Variants in SLC26A7 observed in about 807,000 individuals in gnomAD.
The protein encoded by SLC26A7 is solute carrier family 26 member 7.
In SLC26A7, 59 loss-of-function variants were observed where a neutral mutation model predicts 82.5. The observed-to-expected ratio is 0.72, with a 90% confidence interval of 0.58 to 0.89. SLC26A7 has a LOEUF of 0.89. SLC26A7 is among the 40% of genes least tolerant of loss of function. The pLI is 0.00. For missense variants in SLC26A7, 820 were observed against 793.0 expected (o/e 1.03, Z -0.41); for synonymous variants, 271 against 274.3 (o/e 0.99, Z 0.12).
chr8:91,329,564 A>G (rs1264720353), intron 5 of SLC26A7, among the ~76,000 whole-genome samples: 1 of 152,076 alleles, frequency 6.6e-6, no homozygotes, highest in East Asian at 1.9e-4. Flanking sequence ...TACTGCAAAC[A>G]CATGTTCTCA....
At chr8:91,376,218 A>G (rs1178388072) in intron 15 of SLC26A7, among the ~76,000 whole-genome samples, 2 of 152,026 alleles carry the variant, frequency 1.3e-5, no homozygotes, top group African/African-American at 2.4e-5. Flanking sequence ...CTTATCTGCC[A>G]TTTCTGACTT....
intron 4 of SLC26A7, among the ~76,000 whole-genome samples, chr8:91,307,719 C>T (rs1176963965): frequency 4.2e-5 from 6 of 142,960 alleles, no homozygotes; most frequent in African/African-American, 1.3e-4. Flanking sequence ...TTAGTGGGTG[C>T]AGCGCACCAG....
At chr8:91,356,101 G>A (rs1813860266) in intron 11 of SLC26A7, among the ~76,000 whole-genome samples, 1 of 152,150 alleles carries the variant, frequency 6.6e-6, no homozygotes, top group South Asian at 2.1e-4. Context: ...GTGTACATGT[G>A]CCACATTTTC....
intron 15 of SLC26A7, among the ~76,000 whole-genome samples, chr8:91,372,685 T>C (rs1287872407): frequency 6.6e-6 from 1 of 152,096 alleles, no homozygotes; most frequent in Non-Finnish European, 1.5e-5. Flanking sequence ...GCTTTATTCT[T>C]TTCCCTTTAG....
At chr8:91,281,228 A>G (rs1176010824) in intron 2 of SLC26A7, among the ~76,000 whole-genome samples, 2 of 152,244 alleles carry the variant, frequency 1.3e-5, no homozygotes, top group East Asian at 1.9e-4. Context: ...GGATTTTTAC[A>G]TAAGAGTATC....
chr8:91,361,416 T>C (rs1319611335), intron 11 of SLC26A7, among the ~76,000 whole-genome samples: 1 of 152,148 alleles, frequency 6.6e-6, no homozygotes, highest in Non-Finnish European at 1.5e-5. Flanking sequence ...TTTTCAAAGA[T>C]GTTTTAAAGT....
In SLC26A7 at chr8:91,395,631, A is replaced by G. The variant is rs1808547773; in HGVS notation, c.*534A>G. On this transcript the variant is annotated 3_prime_UTR_variant, in exon 19 of 19. Transcript: ENST00000276609. ...ATGTGAAATTCACAAAAAGTAAACC[A>G]AACAAAACGAATGAAAAACTGGAAA... 6.6e-6 allele frequency: 1 copy of G among 152,246 alleles called. No homozygotes were observed. The highest frequency in any genetic ancestry group is 1.5e-5 in the Non-Finnish European group (1 of 68,058). 9.4% of individuals were successfully genotyped at this position (152,246 alleles called of 1,614,324 possible).
At chr8:91,263,571 TC>T in intron 2 of SLC26A7, among the ~76,000 whole-genome samples, 1 of 152,180 alleles carries the variant, frequency 6.6e-6, no homozygotes, top group South Asian at 2.1e-4. Flanking sequence ...TTTAACTCTT[TC>T]TTTGTGCTTG....
chr8:91,377,804 C>T (rs1284384524), intron 15 of SLC26A7, among the ~76,000 whole-genome samples: 9 of 152,194 alleles, frequency 5.9e-5, no homozygotes, highest in Admixed American at 5.9e-4. Flanking sequence ...GCCAGTCTCT[C>T]AGACTTTGCT....
At chr8:91,271,389 G>C (rs1036353801) in intron 2 of SLC26A7, among the ~76,000 whole-genome samples, 1 of 152,268 alleles carries the variant, frequency 6.6e-6, no homozygotes, top group Non-Finnish European at 1.5e-5. Flanking sequence ...CTGGAAAATA[G>C]TAGATAATTC....
chr8:91,253,811 G>A (rs537256689), intron 2 of SLC26A7, among the ~76,000 whole-genome samples: 37 of 152,118 alleles, frequency 2.4e-4, no homozygotes, highest in Non-Finnish European at 4.9e-4. Flanking sequence ...GTAAGCTCTG[G>A]AAACAAGACA....
At chr8:91,285,882 A>G (rs988812966) in intron 2 of SLC26A7, among the ~76,000 whole-genome samples, 2 of 152,188 alleles carry the variant, frequency 1.3e-5, no homozygotes, top group African/African-American at 4.8e-5. Context: ...TGTAGCACCA[A>G]TTTCTAATTC....
chr8:91,292,674 A>G (rs960106409), intron 3 of SLC26A7, among the ~76,000 whole-genome samples: 1 of 152,176 alleles, frequency 6.6e-6, no homozygotes, highest in African/African-American at 2.4e-5. Flanking sequence ...GAGTATAAAG[A>G]CATGAAACAT....
chr8:91,286,356 A>G (rs1186516288), intron 2 of SLC26A7, among the ~76,000 whole-genome samples: 1 of 152,220 alleles, frequency 6.6e-6, no homozygotes, highest in Admixed American at 6.5e-5. Context: ...CCTACAAAGC[A>G]TGTTTTCTTA....
At position 91,366,585 on chromosome 8, in the gene SLC26A7, C is replaced by G. The variant is rs372891661; in HGVS notation, c.1494C>G (p.Thr498=). ...CTGTTTTTCTCCTCCAAAAGGAAAC[C>G]CTGCAGCAGGTGAAAATTATCTCAA... is the stretch of plus-strand genomic sequence containing the variant. ...FKVKTEMDSE[T]LQQVKIISIN... The change falls in exon 14 of 19, where the codon ACC becomes ACG. Residue 498 remains threonine, a synonymous_variant. Coordinates refer to ENST00000276609, the MANE Select transcript of SLC26A7 (RefSeq NM_052832.4). 6 of 1,611,426 alleles carry G rather than the reference C, an allele frequency of 3.7e-6. No individual in the cohort carries two copies. The highest frequency in any genetic ancestry group is 5.1e-6 in the Non-Finnish European group (6 of 1,179,364).
At chr8:91,372,426 G>T (rs949733726) in intron 15 of SLC26A7, among the ~76,000 whole-genome samples, 2 of 151,888 alleles carry the variant, frequency 1.3e-5, no homozygotes, top group African/African-American at 4.8e-5. Flanking sequence ...GGAAGTAAGG[G>T]TGTAGTTTCA....
chr8:91,318,219 G>T lies in SLC26A7; in HGVS notation c.481G>T (p.Ala161Ser). 6.3e-7 allele frequency: 1 copy of T among 1,595,904 alleles called. No individual in the cohort carries two copies. The highest frequency in any genetic ancestry group is 8.5e-7 in the Non-Finnish European group (1 of 1,169,966). Residue 161 changes from alanine to serine, a missense_variant, in exon 5 of 19, where the codon GCC (alanine) becomes TCC (serine). Physicochemically the swap from Ala to Ser is moderately conservative, Grantham distance 99 (BLOSUM62 1). Coordinates refer to ENST00000276609, the MANE Select transcript of SLC26A7 (RefSeq NM_052832.4). ...VSFLGGVIQVAMFVLQLGSAT... is the reference protein window; with the variant it reads ...VSFLGGVIQVSMFVLQLGSAT... Reference sequence around the variant, plus strand: ...CACTTCTCCCTTCTCCTCTTAGGTGGCCATGTTTGTGCTGCAACTGGGCAG... The same window carrying T: ...CACTTCTCCCTTCTCCTCTTAGGTGTCCATGTTTGTGCTGCAACTGGGCAG...
chr8:91,302,820 T>C (rs533907204), intron 4 of SLC26A7, among the ~76,000 whole-genome samples: 56 of 20,178 alleles, frequency 2.8e-3, no homozygotes, highest in South Asian at 9.8e-3. Context: ...CCCCTTCTCT[T>C]TTTTTTTTTT....
chr8:91,280,972 CTCTT>C (rs1563657960), intron 2 of SLC26A7, among the ~76,000 whole-genome samples: 1 of 152,170 alleles, frequency 6.6e-6, no homozygotes, highest in Non-Finnish European at 1.5e-5. Flanking sequence ...TTCCTAACTG[CTCTT>C]TCTGTCAATT....
Sources: gnomAD v4.1 joint callset for allele counts (sites outside exome capture counted in the v4.1 genomes callset) on GRCh38, gnomAD v4.1.1 for gene constraint, MANE v1.5 for transcripts, NCBI Gene and HGNC (gene_info 2026-07-23, HGNC 2026-07-21) for gene names.